Variants in PCDHGB6 observed in about 807,000 individuals in gnomAD.
PCDHGB6 encodes protocadherin gamma subfamily B, 6, also known as protocadherin gamma-B6.
PCDHGB6 carries 51 observed loss-of-function variants against 59.1 expected under a neutral mutation model. The ratio of observed to expected loss-of-function variants is 0.86; its 90% confidence interval spans 0.69 to 1.09. The LOEUF is 1.09. PCDHGB6 is among the 50% of genes least tolerant of loss of function. The pLI is 0.00. For missense variants in PCDHGB6, 1,148 were observed against 1,205.1 expected (o/e 0.95, Z 0.70); for synonymous variants, 466 against 495.1 (o/e 0.94, Z 0.78).
chr5:141,495,644 A>C (rs767670166), intron 2 of PCDHGB6, among the ~76,000 whole-genome samples: 1 of 151,770 alleles, frequency 6.6e-6, no homozygotes, highest in African/African-American at 2.4e-5. Flanking sequence ...TCATTTGTCT[A>C]CTTGCATTGA....
chr5:141,452,088 AAG>A (rs1200732162), intron 1 of PCDHGB6, among the ~76,000 whole-genome samples: 2 of 152,206 alleles, frequency 1.3e-5, no homozygotes, highest in African/African-American at 4.8e-5. Flanking sequence ...ATTATACAGT[AAG>A]AAAGAGCTTT....
chr5:141,460,959 A>G (rs892536901), intron 1 of PCDHGB6, among the ~76,000 whole-genome samples: 2 of 126,082 alleles, frequency 1.6e-5, no homozygotes, highest in African/African-American at 7.1e-5. Context: ...ATGTATATAT[A>G]TATGTGTGTG....
intron 1 of PCDHGB6, among the ~76,000 whole-genome samples, chr5:141,474,163 T>A (rs958292802): frequency 2.0e-5 from 3 of 152,178 alleles, no homozygotes; most frequent in Non-Finnish European, 2.9e-5. Flanking sequence ...ATGACAGGCC[T>A]TATTATTGAG....
Position 141,410,502 on chromosome 5 carries a change from T to C in PCDHGB6, c.2300T>C (p.Leu767Pro). The change falls in exon 1 of 4, where the codon CTA (leucine) becomes CCA (proline). Residue 767 changes from leucine to proline, a missense_variant. Transcript: ENST00000520790. ...ACGGGTACAAAAGAGTTTAATTTCC[T>C]AAAATGCAGTGTGCCCCTACATTCC... ...AHTGTKEFNF[L>P]KCSVPLHSNE... 2 of 1,614,018 alleles carry C rather than the reference T, an allele frequency of 1.2e-6. No homozygotes were observed. Among genetic ancestry groups the C allele is most frequent in the Non-Finnish European group, 1.7e-6 (2 of 1,179,898 alleles).
chr5:141,468,950 T>TG (rs752125489), intron 1 of PCDHGB6, among the ~76,000 whole-genome samples: 34 of 140,680 alleles, frequency 2.4e-4, no homozygotes, highest in African/African-American at 4.9e-4. Context: ...GGTAAACCTG[T>TG]GGTTTTTTTT....
chr5:141,431,032 C>T lies in PCDHGB6; in HGVS notation c.2418+20412C>T. 1 of 1,614,008 alleles carries T rather than the reference C, an allele frequency of 6.2e-7. No individual in the cohort carries two copies. The highest frequency in any genetic ancestry group is 2.2e-5 in the East Asian group (1 of 44,848). On this transcript the variant is annotated intron_variant, in intron 1 of 3. Transcript: ENST00000520790. This position sits in a 1 kb window ranked among gnomAD's most constrained non-coding sequence, Gnocchi z 4.8. ...GCTTGGTCACGGCGGGCAGGATAGA[C>T]CGGGAGGAGCTCTGTATGGGGGCCA...
chr5:141,451,797 C>T (rs1207473455), intron 1 of PCDHGB6, among the ~76,000 whole-genome samples: 1 of 152,006 alleles, frequency 6.6e-6, no homozygotes, highest in African/African-American at 2.4e-5. Context: ...CAGAGAATTG[C>T]TTGAACCCAG....
intron 1 of PCDHGB6, among the ~76,000 whole-genome samples, chr5:141,482,179 G>A (rs1398839482): frequency 6.6e-6 from 1 of 152,040 alleles, no homozygotes; most frequent in Non-Finnish European, 1.5e-5. Flanking sequence ...AAGGCTTTAC[G>A]ATGCTCCAGT....
intron 1 of PCDHGB6, among the ~76,000 whole-genome samples, chr5:141,447,135 G>GT (rs905717632): frequency 9.9e-5 from 15 of 151,698 alleles, no homozygotes; most frequent in African/African-American, 3.4e-4. Flanking sequence ...TTGTTTGTTT[G>GT]TTTTTTGTTT....
At position 141,410,277 on chromosome 5, in the gene PCDHGB6, T is replaced by C. The variant is rs1461250700; in HGVS notation, c.2075T>C (p.Leu692Pro). 2.5e-6 allele frequency: 4 copies of C among 1,614,014 alleles called. No homozygotes were observed. In the Admixed American group the frequency reaches 6.7e-5, roughly 27 times the overall value. ...CCCCAGGCTGAACTGCAGTTTTACC[T>C]GGTGGTGGCCTTGGCCTTAATCTCA... ...SDPQAELQFY[L>P]VVALALISVL... The change falls in exon 1 of 4, where the codon CTG (leucine) becomes CCG (proline). Residue 692 changes from leucine (L) to proline (P), a missense_variant. Around this residue, in one of 5 missense-constraint regions of PCDHGB6, gnomAD observed 283 missense variants for 318.6 expected, o/e 0.89. Transcript: ENST00000520790.
In PCDHGB6 at chr5:141,431,777, G is replaced by T. The variant is rs151011884; in HGVS notation, c.2418+21157G>T. 5,401 of 1,614,186 alleles carry T rather than the reference G, an allele frequency of 3.3e-3. 6 individuals are homozygous for T. Among genetic ancestry groups the T allele is most frequent in the Non-Finnish European group, 4.2e-3 (4,899 of 1,180,002 alleles). On this transcript the variant is annotated intron_variant, in intron 1 of 3. Coordinates refer to ENST00000520790, the MANE Select transcript of PCDHGB6 (RefSeq NM_018926.3). The surrounding 1 kb of genome is among the most constrained non-coding windows in gnomAD (Gnocchi z 4.8). ...CAAAGTCCTGATCACTGTTCTGGAC[G>T]TGAACGACAATGCCCCAGAAGTGGT...
intron 3 of PCDHGB6, 118 bp downstream of exon 3, chr5:141,505,599 G>A (rs936757644): frequency 1.5e-5 from 23 of 1,555,468 alleles, no homozygotes; most frequent in South Asian, 2.4e-5. Flanking sequence ...CAGATCTTTC[G>A]GCAGGTCTGA....
chr5:141,430,790 A>G, intron 1 of PCDHGB6: 1 of 1,516,892 alleles, frequency 6.6e-7, no homozygotes, highest in South Asian at 1.3e-5. Context: ...CCGGGACTAC[A>G]AAGGGCTTGT....
chr5:141,492,919 C>A (rs1019663003), intron 1 of PCDHGB6, among the ~76,000 whole-genome samples: 1 of 152,192 alleles, frequency 6.6e-6, no homozygotes, highest in Non-Finnish European at 1.5e-5. Context: ...ATGTGCCCAG[C>A]GATCTAGGGT....
chr5:141,448,335 A>T (rs567377336), intron 1 of PCDHGB6, among the ~76,000 whole-genome samples: 1 of 152,108 alleles, frequency 6.6e-6, no homozygotes, highest in Non-Finnish European at 1.5e-5. Flanking sequence ...CTTTATAGCC[A>T]TGTACCTCAA....
chr5:141,430,155 A>G (rs1440666899), intron 1 of PCDHGB6, among the ~76,000 whole-genome samples: 7 of 152,184 alleles, frequency 4.6e-5, no homozygotes, highest in Admixed American at 1.3e-4. Flanking sequence ...CATTCAAGGA[A>G]TCTATTTAAA....
intron 1 of PCDHGB6, among the ~76,000 whole-genome samples, chr5:141,437,452 G>GACTAT (rs1319101256): frequency 6.6e-6 from 1 of 152,144 alleles, no homozygotes; most frequent in Non-Finnish European, 1.5e-5. Context: ...ATGTTGAGGA[G>GACTAT]ACTATACTAT....
Position 141,486,747 on chromosome 5 carries a change from A to G in PCDHGB6, c.2419-8060A>G, listed in dbSNP as rs750666508. The G allele has an allele frequency of 3.1e-6, 5 of 1,614,210 alleles. No homozygotes were observed. The highest frequency in any genetic ancestry group is 4.2e-6 in the Non-Finnish European group (5 of 1,180,034). On this transcript the variant is annotated intron_variant, in intron 1 of 3. Transcript: ENST00000520790. This position sits in a 1 kb window ranked among gnomAD's most constrained non-coding sequence, Gnocchi z 5.0. Reference sequence around the variant, plus strand: ...GTTCATGCTACTCGATCCTTTGACTATGAGCAAACCCAGACACTGCAGTTT... The same window carrying G: ...GTTCATGCTACTCGATCCTTTGACTGTGAGCAAACCCAGACACTGCAGTTT...
At chr5:141,421,824 A>G in intron 1 of PCDHGB6, 1 of 1,613,768 alleles carries the variant, frequency 6.2e-7, no homozygotes, top group Non-Finnish European at 8.5e-7. Flanking sequence ...TACTGGAGGG[A>G]AGCCTGGACC....
Sources: allele counts gnomAD v4.1 joint callset (sites outside exome capture counted in the v4.1 genomes callset), GRCh38; gene constraint gnomAD v4.1.1; regional missense constraint gnomAD v4.1.1; non-coding constraint Gnocchi (gnomAD v3.1); transcripts MANE v1.5; gene names NCBI Gene and HGNC (gene_info 2026-07-23, HGNC 2026-07-21).